The following MYLK variants were observed in gnomAD, a reference collection of about 807,000 sequenced individuals.
The protein encoded by MYLK is myosin light chain kinase, smooth muscle.
In MYLK, 106 loss-of-function variants were observed where a neutral mutation model predicts 203.4. The ratio of observed to expected loss-of-function variants is 0.52; its 90% CI spans 0.45 to 0.61. The LOEUF (loss-of-function observed/expected upper bound fraction) is 0.61, where lower values mean the gene tolerates loss of function less well. MYLK is among the 20% of genes least tolerant of loss of function. The pLI is 0.00. For synonymous variants in MYLK, 867 were observed against 959.5 expected (o/e 0.90, Z 1.78); for missense variants, 2,072 against 2,442.3 (o/e 0.85, Z 3.20).
chr3:123,678,612 C>T (rs2060153707), intron 20 of MYLK, among the ~76,000 whole-genome samples: 1 of 151,956 alleles, frequency 6.6e-6, no homozygotes, highest in African/African-American at 2.4e-5. Flanking sequence ...CCCTCTTAGA[C>T]TAGGTACTTC....
Position 123,700,394 on chromosome 3 carries a change from G to A in MYLK, c.3074C>T (p.Pro1025Leu). The change falls in exon 18 of 34, where the codon CCC becomes CTC. Residue 1025 changes from proline (P) to leucine (L), a missense_variant. Physicochemically the swap from Pro to Leu is moderately conservative, Grantham distance 98. Around this residue, in one of 3 missense-constraint regions of MYLK, gnomAD observed 865 missense variants for 1,016.0 expected, o/e 0.85. Transcript: ENST00000360304. The stretch of plus-strand genomic sequence containing the variant: ...CTCAGCAGGCTTGGCGTTGCCCACG[G>A]GTTTCAAGGGCCCTGAAGGCTGTGC... ...SNAQPSGPLK[P>L]VGNAKPAETL... 1.2e-6 allele frequency: 2 copies of A among 1,613,682 alleles called. No individual in the cohort carries two copies. The highest frequency in any genetic ancestry group is 1.7e-6 in the Non-Finnish European group (2 of 1,179,934).
chr3:123,700,852 C>T lies in MYLK; in HGVS notation c.2616G>A (p.Val872=). Reference sequence around the variant, plus strand: ...GCCTCGTCTCCACGCGCCTCTTCAGCACCCCTCGCACGTCCTCGCCGTCTT... The same window carrying T: ...GCCTCGTCTCCACGCGCCTCTTCAGTACCCCTCGCACGTCCTCGCCGTCTT... ...EEEDGEDVRG[V]LKRRVETRQH... is the part of the protein sequence containing the mutation. The change falls in exon 18 of 34, where the codon GTG becomes GTA. Residue 872 remains valine (V), a synonymous_variant. Transcript: ENST00000360304. 6.2e-7 allele frequency: 1 copy of T among 1,613,926 alleles called. No individual in the cohort carries two copies. The highest frequency in any genetic ancestry group is 8.5e-7 in the Non-Finnish European group (1 of 1,180,038).
At chr3:123,844,822 GTT>G (rs146243787) in intron 2 of MYLK, among the ~76,000 whole-genome samples, 7 of 117,814 alleles carry the variant, frequency 5.9e-5, no homozygotes, top group Non-Finnish European at 8.6e-5. Flanking sequence ...CTCCTCAGTT[GTT>G]TTTTTTTTTT....
intron 19 of MYLK, among the ~76,000 whole-genome samples, chr3:123,691,995 A>G (rs1457851370): frequency 2.6e-5 from 4 of 152,178 alleles, no homozygotes; most frequent in Non-Finnish European, 4.4e-5. Flanking sequence ...GTTCATCTAA[A>G]TCATCACGAG....
At chr3:123,806,751 A>T (rs2109200505) in intron 3 of MYLK, among the ~76,000 whole-genome samples, 1 of 152,138 alleles carries the variant, frequency 6.6e-6, no homozygotes, top group African/African-American at 2.4e-5. Flanking sequence ...CAACCTCCGC[A>T]TCCTGGGTTC....
intron 4 of MYLK, among the ~76,000 whole-genome samples, chr3:123,792,955 C>G (rs957591516): frequency 7.9e-5 from 12 of 152,208 alleles, no homozygotes; most frequent in Admixed American, 6.5e-5. Context: ...CAGACAACCA[C>G]GTAGCCAGAC....
intron 3 of MYLK, among the ~76,000 whole-genome samples, chr3:123,803,443 T>A (rs2065264079): frequency 6.6e-6 from 1 of 152,206 alleles, no homozygotes; most frequent in South Asian, 2.1e-4. Flanking sequence ...ACTCTCATGC[T>A]TATTGTGGTG....
At position 123,814,780 on chromosome 3, in the gene MYLK, G is replaced by C. The variant is rs145592822; in HGVS notation, c.-4+16768C>G. On this transcript the variant is annotated intron_variant, in intron 3 of 33. Coordinates refer to ENST00000360304, the MANE Select transcript of MYLK (RefSeq NM_053025.4). ...ACAAACAGTTTCATGGACATAAACTGATCCTTTCTTTCTTTCTTTCTTTCT... is the reference window on the plus strand; with the variant it reads ...ACAAACAGTTTCATGGACATAAACTCATCCTTTCTTTCTTTCTTTCTTTCT... Among the ~76,000 whole-genome samples the C allele has an allele frequency of 1.5e-3, 223 of 151,992 alleles. 1 individual carries two copies. The highest frequency in any genetic ancestry group is 5.3e-3 in the African/African-American group (218 of 41,384).
intron 32 of MYLK, among the ~76,000 whole-genome samples, chr3:123,619,616 C>A (rs1390145653): frequency 6.6e-6 from 1 of 152,192 alleles, no homozygotes; most frequent in Non-Finnish European, 1.5e-5. Flanking sequence ...GGGGTTTTCA[C>A]TGAGGAGATG....
At position 123,734,004 on chromosome 3, in the gene MYLK, G is replaced by T. The variant is rs371825849; in HGVS notation, c.992C>A (p.Thr331Lys). The T allele has an allele frequency of 3.1e-6, 5 of 1,614,074 alleles. No homozygotes were observed. In the Admixed American group the frequency reaches 5.0e-5, roughly 16 times the overall value. The change falls in exon 10 of 34, where the codon ACG becomes AAG. Residue 331 changes from threonine to lysine, a missense_variant. Physicochemically the swap from Thr to Lys is moderately conservative, Grantham distance 78. Coordinates refer to ENST00000360304, the MANE Select transcript of MYLK (RefSeq NM_053025.4). Reference protein sequence around the residue: ...KLESCKDSPRTAPQTPVLQKT... With the variant: ...KLESCKDSPRKAPQTPVLQKT... ...CTGAAGGACCGGGGTCTGCGGGGCCGTTCTGGGCGAGTCCTTGCATGACTC... is the reference window on the plus strand; with the variant it reads ...CTGAAGGACCGGGGTCTGCGGGGCCTTTCTGGGCGAGTCCTTGCATGACTC...
At chr3:123,704,321 A>G (rs1214210234) in intron 16 of MYLK, among the ~76,000 whole-genome samples, 1 of 152,218 alleles carries the variant, frequency 6.6e-6, no homozygotes, top group African/African-American at 2.4e-5. Flanking sequence ...TGGGACCCAC[A>G]TGTCAGATCA....
intron 24 of MYLK, among the ~76,000 whole-genome samples, chr3:123,652,293 TAAAAAAA>T (rs539866148): frequency 1.4e-5 from 2 of 144,240 alleles, no homozygotes; most frequent in African/African-American, 2.5e-5. Context: ...CCACTGAACT[TAAAAAAA>T]AAAAAAATCT....
chr3:123,690,441 C>T (rs2060617761), intron 19 of MYLK, among the ~76,000 whole-genome samples: 1 of 152,086 alleles, frequency 6.6e-6, no homozygotes. Flanking sequence ...ACTGGGATCC[C>T]CAAGTCAAGT....
At chr3:123,774,362 C>G (rs777648458) in intron 4 of MYLK, among the ~76,000 whole-genome samples, 1 of 152,070 alleles carries the variant, frequency 6.6e-6, no homozygotes, top group South Asian at 2.1e-4. Flanking sequence ...TACTCCTCCC[C>G]CTGCTGTACA....
chr3:123,643,879 A>G (rs1363777775), intron 27 of MYLK, among the ~76,000 whole-genome samples: 1 of 152,252 alleles, frequency 6.6e-6, no homozygotes, highest in Non-Finnish European at 1.5e-5. Flanking sequence ...TAGCACAAAC[A>G]TGAGATGAGC....
intron 2 of MYLK, among the ~76,000 whole-genome samples, chr3:123,834,374 C>T (rs1245772362): frequency 2.0e-5 from 3 of 152,094 alleles, no homozygotes; most frequent in Non-Finnish European, 2.9e-5. Flanking sequence ...TTAATATCAA[C>T]ATTTGATAAA....
chr3:123,876,718 T>G (rs2033172091), intron 1 of MYLK, 101 bp from the exon 2 acceptor site: 1 of 152,180 alleles, frequency 6.6e-6, no homozygotes, highest in Non-Finnish European at 1.5e-5. Flanking sequence ...AACCAGAGAT[T>G]CCCTGACCCC....
At chr3:123,692,371 T>C in intron 19 of MYLK, 2 of 1,176,908 alleles carry the variant, frequency 1.7e-6, no homozygotes, top group Non-Finnish European at 2.1e-6. Flanking sequence ...GCTCGGACAC[T>C]TGTTTGTTGT....
chr3:123,756,741 A>G (rs1335129889), intron 4 of MYLK, among the ~76,000 whole-genome samples: 2 of 152,148 alleles, frequency 1.3e-5, no homozygotes, highest in African/African-American at 2.4e-5. Flanking sequence ...TTTCACCACA[A>G]TGAGTTTTGG....
Sources: gnomAD v4.1 joint callset for allele counts (sites outside exome capture counted in the v4.1 genomes callset) on GRCh38, gnomAD v4.1.1 for gene constraint, gnomAD v4.1.1 regional missense constraint, MANE v1.5 for transcripts, NCBI Gene and HGNC (gene_info 2026-07-23, HGNC 2026-07-21) for gene names.